The following SEMA3A variants were observed in gnomAD, a reference collection of about 807,000 sequenced individuals.
SEMA3A encodes semaphorin-3A.
A neutral mutation model predicts 97.9 loss-of-function variants in SEMA3A; 29 were observed. The ratio of observed to expected loss-of-function variants is 0.30; its 90% CI spans 0.22 to 0.40. The LOEUF (loss-of-function observed/expected upper bound fraction) is 0.40, where lower values mean the gene tolerates loss of function less well. Among genes scored for constraint, SEMA3A ranks in the 10% least tolerant of loss-of-function variants. The pLI, the probability that SEMA3A is intolerant of heterozygous loss-of-function variation, is 1.00. For synonymous variants in SEMA3A, 321 were observed against 323.7 expected (o/e 0.99, Z 0.09); for missense variants, 763 against 951.3 (o/e 0.80, Z 2.60).
At chr7:84,217,494 T>C (rs1014798321) in intron 3 of SEMA3A, among the ~76,000 whole-genome samples, 11 of 152,200 alleles carry the variant, frequency 7.2e-5, no homozygotes, top group Admixed American at 5.2e-4. Flanking sequence ...CATTATGTTA[T>C]AATATGGCTT....
At chr7:84,364,531 A>G (rs1361095367) in intron 2 of SEMA3A, among the ~76,000 whole-genome samples, 2 of 151,720 alleles carry the variant, frequency 1.3e-5, no homozygotes, top group Non-Finnish European at 3.0e-5. Context: ...TCAGCCACAA[A>G]AAGTATATTG....
intron 1 of SEMA3A, among the ~76,000 whole-genome samples, chr7:84,484,053 GAA>G (rs879740885): frequency 1.7e-5 from 2 of 117,924 alleles, no homozygotes. Flanking sequence ...TCAAAAAAAA[GAA>G]AAAAAAAAAA....
intron 3 of SEMA3A, chr7:84,306,693 A>G (rs1025621855): frequency 3.3e-5 from 5 of 152,140 alleles, no homozygotes; most frequent in African/African-American, 1.2e-4. Flanking sequence ...TTTACAGGTG[A>G]TATTTCAATC....
intron 3 of SEMA3A, among the ~76,000 whole-genome samples, chr7:84,224,316 T>G (rs1055541490): frequency 2.6e-5 from 4 of 152,010 alleles, no homozygotes; most frequent in Admixed American, 2.0e-4. Context: ...CAATTAAAGT[T>G]TTTTACTTTG....
chr7:84,362,974 G>T (rs1293840373), intron 2 of SEMA3A, among the ~76,000 whole-genome samples: 3 of 151,682 alleles, frequency 2.0e-5, no homozygotes, highest in Non-Finnish European at 4.4e-5. Context: ...GAAAAAATGG[G>T]GAATTTACAA....
chr7:83,971,671 G>T (rs1310010394), intron 15 of SEMA3A, among the ~76,000 whole-genome samples: 1 of 152,092 alleles, frequency 6.6e-6, no homozygotes, highest in Non-Finnish European at 1.5e-5. Flanking sequence ...ATGCATGAAT[G>T]TGTAGTTAAG....
chr7:84,002,299 T>C (rs78258862), intron 11 of SEMA3A, among the ~76,000 whole-genome samples: 5 of 152,176 alleles, frequency 3.3e-5, no homozygotes, highest in African/African-American at 1.2e-4. Context: ...TGTTTAGCCT[T>C]GAAGAAGGTT....
chr7:84,141,939 C>A (rs975489854), intron 1 of SEMA3A, among the ~76,000 whole-genome samples: 2 of 152,096 alleles, frequency 1.3e-5, no homozygotes, highest in Non-Finnish European at 2.9e-5. Context: ...TGTACTTGAG[C>A]TTTGGACAAC....
chr7:83,981,475 G>T lies in SEMA3A; in HGVS notation c.1498C>A (p.Gln500Lys). 6.3e-7 allele frequency: 1 copy of T among 1,595,124 alleles called. No homozygotes were observed. The highest frequency in any genetic ancestry group is 8.5e-7 in the Non-Finnish European group (1 of 1,171,888). ...CCAGCCGTTGAACCAATATATAGTT[G>T]TTGCTGTGGAAAGAGTTTACTGCTG... ...SAMELSTKQQ[Q>K]LYIGSTAGVA... Residue 500 changes from glutamine (Q) to lysine (K), a missense_variant, in exon 14 of 17, where the codon CAA (glutamine) becomes AAA (lysine). Gln to Lys is a moderately conservative substitution (Grantham distance 53). Transcript: ENST00000265362.
intron 4 of SEMA3A, among the ~76,000 whole-genome samples, chr7:84,073,624 T>A (rs930693988): frequency 1.3e-5 from 2 of 152,084 alleles, no homozygotes; most frequent in African/African-American, 4.8e-5. Context: ...AATATGATGA[T>A]GAATCTGACA....
chr7:83,995,058 A>G (rs981326303), intron 12 of SEMA3A, among the ~76,000 whole-genome samples: 13 of 152,266 alleles, frequency 8.5e-5, no homozygotes, highest in African/African-American at 1.9e-4. Context: ...TGCAGTATTC[A>G]GGTGGGAGTG....
intron 1 of SEMA3A, among the ~76,000 whole-genome samples, chr7:84,420,926 T>C (rs545602938): frequency 1.3e-5 from 2 of 152,098 alleles, no homozygotes; most frequent in African/African-American, 4.8e-5. Flanking sequence ...TTTGTTAATC[T>C]TTTCAAAAAA....
At chr7:84,122,619 T>G (rs1040556985) in intron 3 of SEMA3A, among the ~76,000 whole-genome samples, 1 of 152,196 alleles carries the variant, frequency 6.6e-6, no homozygotes, top group Non-Finnish European at 1.5e-5. Context: ...TTTTATTATG[T>G]CTCAATATGT....
At chr7:84,150,347 G>A (rs1796595015) in intron 1 of SEMA3A, among the ~76,000 whole-genome samples, 1 of 152,172 alleles carries the variant, frequency 6.6e-6, no homozygotes, top group African/African-American at 2.4e-5. Context: ...TCTCACTGGG[G>A]AGTGCCAGAC....
chr7:84,392,670 T>C (rs1234756703), intron 1 of SEMA3A, among the ~76,000 whole-genome samples: 1 of 152,168 alleles, frequency 6.6e-6, no homozygotes, highest in East Asian at 1.9e-4. Context: ...TAATTTACTT[T>C]CTCATCAACA....
intron 6 of SEMA3A, among the ~76,000 whole-genome samples, chr7:84,030,779 TCTC>T (rs1370762002): frequency 6.6e-6 from 1 of 152,128 alleles, no homozygotes; most frequent in Non-Finnish European, 1.5e-5. Flanking sequence ...ATTTTCTTCT[TCTC>T]CTAGCTAACA....
intron 3 of SEMA3A, among the ~76,000 whole-genome samples, chr7:84,261,776 G>A (rs1036951664): frequency 2.6e-5 from 4 of 152,226 alleles, no homozygotes; most frequent in Admixed American, 2.6e-4. Flanking sequence ...TGCAAGCTGA[G>A]CACAGCCTGC....
At chr7:84,213,272 C>T (rs1031749842) in intron 3 of SEMA3A, among the ~76,000 whole-genome samples, 9 of 151,978 alleles carry the variant, frequency 5.9e-5, no homozygotes, top group Non-Finnish European at 1.0e-4. Context: ...CCATGGTGCC[C>T]GGCCTGTTTC....
chr7:84,074,791 C>A (rs1394881793), intron 4 of SEMA3A, among the ~76,000 whole-genome samples: 1 of 151,512 alleles, frequency 6.6e-6, no homozygotes, highest in East Asian at 1.9e-4. Flanking sequence ...TGTTATTATG[C>A]TTACTCAAAT....
Sources: gnomAD v4.1 joint callset for allele counts (sites outside exome capture counted in the v4.1 genomes callset) on GRCh38, gnomAD v4.1.1 for gene constraint, MANE v1.5 for transcripts, NCBI Gene and HGNC (gene_info 2026-07-23, HGNC 2026-07-21) for gene names.